The following DHRSX variants were observed in gnomAD, a reference collection of about 807,000 sequenced individuals.
The protein encoded by DHRSX is dehydrogenase/reductase X-linked, also known as polyprenol dehydrogenase.
DHRSX carries 31 observed loss-of-function variants against 34.0 expected under a neutral mutation model. The ratio of observed to expected loss-of-function variants is 0.91; its 90% confidence interval spans 0.69 to 1.23. The LOEUF is 1.23. Among genes scored for constraint, DHRSX ranks in the 50% most tolerant of loss-of-function variants. The probability of loss-of-function intolerance (pLI) is 0.00; values close to 1 mark genes in which losing one functional copy is unlikely to be tolerated. For missense variants in DHRSX, 414 were observed against 428.1 expected (o/e 0.97, Z 0.29); for synonymous variants, 201 against 183.8 (o/e 1.09, Z -0.76).
At chrX:2,449,925 G>A (rs183894097) in intron 1 of DHRSX, among the ~76,000 whole-genome samples, 2 of 152,030 alleles carry the variant, frequency 1.3e-5, no homozygotes, top group South Asian at 2.1e-4. Flanking sequence ...GAGCCACCAC[G>A]CCTGGCCATG....
At chrX:2,268,488 G>A (rs1452366980) in intron 4 of DHRSX, among the ~76,000 whole-genome samples, 2 of 152,120 alleles carry the variant, frequency 1.3e-5, no homozygotes, top group Non-Finnish European at 2.9e-5. Context: ...CTATACACTT[G>A]GGTATATAAC....
rs147951019 is a variant in DHRSX, at chrX:2,440,140, T to G, written c.110-14836A>C. Among the ~76,000 whole-genome samples the G allele has an allele frequency of 9.2e-5, 14 of 152,282 alleles. No homozygotes were observed. In the East Asian group the frequency reaches 2.7e-3, roughly 29 times the overall value. On this transcript the variant is annotated intron_variant, in intron 1 of 6. Coordinates refer to ENST00000334651, the MANE Select transcript of DHRSX (RefSeq NM_145177.3). The stretch of plus-strand genomic sequence containing the variant: ...AGGTCAGTAGCATCTGTCAGCAAAG[T>G]TTGCCAACGGCTGTACCCACACAAA...
intron 1 of DHRSX, among the ~76,000 whole-genome samples, chrX:2,447,982 G>A (rs963720165): frequency 1.3e-5 from 2 of 151,076 alleles, no homozygotes; most frequent in Non-Finnish European, 2.9e-5. Context: ...ACCACTGAAG[G>A]CCAGAAGTTT....
At chrX:2,356,366 C>A (rs1306211586) in intron 3 of DHRSX, among the ~76,000 whole-genome samples, 1 of 152,024 alleles carries the variant, frequency 6.6e-6, no homozygotes, top group Non-Finnish European at 1.5e-5. Context: ...CAAAGCAAGA[C>A]TCTGTCTCAA....
At chrX:2,448,396 C>T (rs1325959951) in intron 1 of DHRSX, among the ~76,000 whole-genome samples, 1 of 152,096 alleles carries the variant, frequency 6.6e-6, no homozygotes, top group Non-Finnish European at 1.5e-5. Context: ...ATTCAAAGAT[C>T]TATCACACCA....
At chrX:2,445,484 T>C (rs1603101928) in intron 1 of DHRSX, among the ~76,000 whole-genome samples, 2 of 152,308 alleles carry the variant, frequency 1.3e-5, no homozygotes, top group South Asian at 4.1e-4. Context: ...TGGTATTTGC[T>C]ACTATCTGAA....
rs146273276 is a variant in DHRSX, at chrX:2,488,805, C to T, written c.109+12012G>A. The T allele has an allele frequency of 1.4e-4, 224 of 1,613,864 alleles. 1 individual carries two copies. The South Asian group carries it at 1.8e-3, about 13-fold the overall frequency. On this transcript the variant is annotated intron_variant, in intron 1 of 6. Transcript: ENST00000334651. ...AGAAACACCTGCTCGTCCACGTGCGCGGGAGCCAGCCGGTTCCTCTTGGCG... is the reference window on the plus strand; with the variant it reads ...AGAAACACCTGCTCGTCCACGTGCGTGGGAGCCAGCCGGTTCCTCTTGGCG...
At chrX:2,368,592 G>A (rs1333352301) in intron 3 of DHRSX, among the ~76,000 whole-genome samples, 1 of 152,192 alleles carries the variant, frequency 6.6e-6, no homozygotes, top group Non-Finnish European at 1.5e-5. Context: ...GCTCACGCCT[G>A]TAATCCCAGC....
Position 2,401,362 on chromosome X carries a change from A to G in DHRSX, c.286+7383T>C, listed in dbSNP as rs985394057. Among the ~76,000 whole-genome samples, 67 of 152,290 alleles carry G rather than the reference A, an allele frequency of 4.4e-4. 1 individual carries two copies. Among genetic ancestry groups the G allele is most frequent in the African/African-American group, 1.5e-3 (63 of 41,572 alleles). On this transcript the variant is annotated intron_variant, in intron 3 of 6. Coordinates refer to ENST00000334651, the MANE Select transcript of DHRSX (RefSeq NM_145177.3). ...CTGACCTCAAGCTATCTGCCCGCCT[A>G]GGCCTCCCAAAGAGCTGGGATGACA...
At chrX:2,291,706 ACAC>A in intron 3 of DHRSX, 103 bp from the exon 4 acceptor site, 1 of 813,550 alleles carries the variant, frequency 1.2e-6, no homozygotes, top group South Asian at 1.5e-5. Flanking sequence ...CTAGGAAGTA[ACAC>A]TTTTTTTTTT....
At chrX:2,359,851 A>G (rs1014454938) in intron 3 of DHRSX, among the ~76,000 whole-genome samples, 1 of 152,114 alleles carries the variant, frequency 6.6e-6, no homozygotes, top group African/African-American at 2.4e-5. Context: ...ACATGTTCTC[A>G]CTTATAAGTG....
At chrX:2,322,210 G>C (rs924223948) in intron 3 of DHRSX, among the ~76,000 whole-genome samples, 28 of 150,972 alleles carry the variant, frequency 1.9e-4, no homozygotes, top group African/African-American at 6.8e-4. Context: ...GTAACACTGA[G>C]AACATACGAT....
chrX:2,399,243 C>T (rs541142743), intron 3 of DHRSX, among the ~76,000 whole-genome samples: 4 of 152,214 alleles, frequency 2.6e-5, no homozygotes, highest in South Asian at 4.2e-4. Flanking sequence ...AGAACACATA[C>T]GGTGACCTCA....
At chrX:2,274,034 T>G (rs2041592123) in intron 4 of DHRSX, among the ~76,000 whole-genome samples, 1 of 151,902 alleles carries the variant, frequency 6.6e-6, no homozygotes, top group South Asian at 2.1e-4. Context: ...TATTCCTATT[T>G]TATTATTATT....
rs763194538 is a variant in DHRSX, at chrX:2,311,661, T to C, written c.287-20058A>G. On this transcript the variant is annotated intron_variant, in intron 3 of 6. Transcript: ENST00000334651. ...GCACTACCCAAGGGCGAGAAGTCAA[T>C]CTTGATGTTGCCGTGGAAACGCGGA... is the stretch of plus-strand genomic sequence containing the variant. Among the ~76,000 whole-genome samples, 394 of 152,190 alleles carry C rather than the reference T, an allele frequency of 2.6e-3. 1 individual carries two copies. The highest frequency in any genetic ancestry group is 8.8e-3 in the African/African-American group (364 of 41,542).
intron 3 of DHRSX, among the ~76,000 whole-genome samples, chrX:2,297,566 T>C (rs1174653741): frequency 6.6e-6 from 1 of 152,150 alleles, no homozygotes. Flanking sequence ...TTAAAGGTTT[T>C]CAAATGAGGA....
chrX:2,358,200 C>G (rs1398863509), intron 3 of DHRSX, among the ~76,000 whole-genome samples: 2 of 152,122 alleles, frequency 1.3e-5, no homozygotes, highest in Admixed American at 1.3e-4. Context: ...AGGAAACTAT[C>G]AACAGCGTGA....
chrX:2,323,702 G>T (rs781368644), intron 3 of DHRSX, among the ~76,000 whole-genome samples: 1 of 152,260 alleles, frequency 6.6e-6, no homozygotes, highest in East Asian at 1.9e-4. Flanking sequence ...CCGGGAGGCT[G>T]AAGCTGTCGT....
chrX:2,475,121 G>T (rs183551326), intron 1 of DHRSX, among the ~76,000 whole-genome samples: 24,071 of 138,882 alleles, frequency 0.17, 3,249 homozygotes, highest in African/African-American at 0.35. Context: ...ATGCAACCAA[G>T]GGACCACTGC....
Sources: gnomAD v4.1 joint callset for allele counts (sites outside exome capture counted in the v4.1 genomes callset) on GRCh38, gnomAD v4.1.1 for gene constraint, MANE v1.5 for transcripts, NCBI Gene and HGNC (gene_info 2026-07-23, HGNC 2026-07-21) for gene names.